EPHA5: variants seen among roughly 807,000 people sequenced by gnomAD.
EPHA5 encodes ephrin type-A receptor 5.
A neutral mutation model predicts 105.0 loss-of-function variants in EPHA5; 60 were observed. The observed-to-expected ratio is 0.57, with a 90% CI of 0.46 to 0.71. The LOEUF (loss-of-function observed/expected upper bound fraction) is 0.71. Among genes scored for constraint, EPHA5 ranks in the 30% least tolerant of loss-of-function variants. The probability of loss-of-function intolerance (pLI) is 0.00; values close to 1 mark genes in which losing one functional copy is unlikely to be tolerated. For synonymous variants in EPHA5, 513 were observed against 449.1 expected, an observed-to-expected ratio of 1.14 and a Z score of -1.80; for missense variants, 1,218 against 1,274.7, an observed-to-expected ratio of 0.96 and a Z score of 0.68.
intron 15 of EPHA5, among the ~76,000 whole-genome samples, chr4:65,335,664 T>G (rs2148811409): frequency 6.6e-6 from 1 of 152,166 alleles, no homozygotes; most frequent in South Asian, 2.1e-4. Context: ...TAATTTTTTT[T>G]TATGCTACCT....
At chr4:65,614,198 T>A (rs569321080) in intron 2 of EPHA5, among the ~76,000 whole-genome samples, 11 of 152,020 alleles carry the variant, frequency 7.2e-5, no homozygotes, top group African/African-American at 2.6e-4. Flanking sequence ...CAATCACAGA[T>A]GGGAATAGTA....
In EPHA5 at chr4:65,420,533, TC is replaced by T; in HGVS notation, c.1434del (p.Ile480LeufsTer21). On this transcript the variant is annotated frameshift_variant, in exon 6 of 17. Transcript: ENST00000613740. LOFTEE classifies it high-confidence loss of function. ...AAAGAGATGCTGTTTTTTGCAATTT[TC>T]CCTTTTTTCACATTGGTGACTGGAG... ...APSPVTNVKK[G>X]KIAKNSISLS... 6.2e-7 allele frequency: 1 copy of T among 1,613,264 alleles called. No homozygotes were observed. Among genetic ancestry groups the T allele is most frequent in the Non-Finnish European group, 8.5e-7 (1 of 1,179,574 alleles).
chr4:65,344,257 G>C (rs1393759870), intron 14 of EPHA5, among the ~76,000 whole-genome samples: 1 of 152,078 alleles, frequency 6.6e-6, no homozygotes, highest in East Asian at 1.9e-4. Context: ...ATGAGATCAC[G>C]TTTGGGCTAG....
chr4:65,432,365 C>T (rs962385213), intron 5 of EPHA5, among the ~76,000 whole-genome samples: 3 of 152,000 alleles, frequency 2.0e-5, no homozygotes, highest in African/African-American at 7.3e-5. Flanking sequence ...GTAAGAGTAA[C>T]CTGCGCTCCA....
chr4:65,321,856 C>A lies in EPHA5; in HGVS notation c.*2258G>T, dbSNP rs1367075749. 2 of 226,112 alleles carry A rather than the reference C, an allele frequency of 8.8e-6. No homozygotes were observed. The highest frequency in any genetic ancestry group is 1.8e-5 in the Non-Finnish European group (2 of 113,608). The allele number at this position is 226,112 out of a possible 1,614,324, so 14.0% of individuals were successfully genotyped here. ...TGTGGCAAGTTCATCAGCCCTAAAG[C>A]ATATGGTAATTTTCCTTTTGAATCA... On this transcript the variant is annotated 3_prime_UTR_variant, in exon 17 of 17. Transcript: ENST00000613740.
intron 3 of EPHA5, among the ~76,000 whole-genome samples, chr4:65,572,208 A>G (rs866974124): frequency 6.6e-6 from 1 of 152,124 alleles, no homozygotes; most frequent in African/African-American, 2.4e-5. Context: ...CATTAGCTTA[A>G]TTATTATCTC....
chr4:65,408,665 G>A (rs543935585), intron 7 of EPHA5, among the ~76,000 whole-genome samples: 54 of 152,126 alleles, frequency 3.5e-4, no homozygotes, highest in Admixed American at 8.5e-4. Flanking sequence ...AGTTAGAATG[G>A]TGATCATTAA....
intron 8 of EPHA5, among the ~76,000 whole-genome samples, chr4:65,374,444 C>A (rs1185935828): frequency 6.6e-6 from 1 of 151,830 alleles, no homozygotes; most frequent in African/African-American, 2.4e-5. Flanking sequence ...AAATGGCACA[C>A]CATGTATTTT....
rs762792175 is a variant in EPHA5, at chr4:65,324,104, T to G, written c.*10A>C. On this transcript the variant is annotated 3_prime_UTR_variant, in exon 17 of 17. Transcript: ENST00000613740. ...AATCATTCACTTGAAGAAGCGACAT[T>G]TACATGAAGTTACAATGGCACCATT... 1.5e-5 allele frequency: 24 copies of G among 1,583,644 alleles called. No homozygotes were observed. The highest frequency in any genetic ancestry group is 2.1e-5 in the Non-Finnish European group (24 of 1,154,310).
chr4:65,660,106 A>G (rs973075381), intron 1 of EPHA5, among the ~76,000 whole-genome samples: 1 of 152,104 alleles, frequency 6.6e-6, no homozygotes, highest in Non-Finnish European at 1.5e-5. Flanking sequence ...CTGATAACAT[A>G]CTATTATTAT....
intron 3 of EPHA5, among the ~76,000 whole-genome samples, chr4:65,547,581 T>A (rs1194234597): frequency 2.0e-5 from 3 of 152,104 alleles, no homozygotes; most frequent in Admixed American, 2.0e-4. Context: ...GACTTCCTCT[T>A]TTTATTACAA....
intron 3 of EPHA5, among the ~76,000 whole-genome samples, chr4:65,583,709 G>T (rs1214296867): frequency 6.6e-6 from 1 of 151,560 alleles, no homozygotes; most frequent in Non-Finnish European, 1.5e-5. Context: ...ATGGCTTGTG[G>T]TTATCACCCT....
chr4:65,541,516 A>T (rs945347445), intron 3 of EPHA5, among the ~76,000 whole-genome samples: 1 of 152,022 alleles, frequency 6.6e-6, no homozygotes, highest in African/African-American at 2.4e-5. Flanking sequence ...GGCATTACAT[A>T]ATGGTAAAGG....
rs749830045 is a variant in EPHA5 at position 65,601,719 on chromosome 4, C to A, written c.832G>T (p.Ala278Ser). 4 of 1,613,998 alleles carry A rather than the reference C, an allele frequency of 2.5e-6. No homozygotes were observed. The South Asian group carries it at 4.4e-5, about 18-fold the overall frequency. ...ATGGGCACCAGCCACTCCCCTTCGG[C>A]GCTGCAGTGCATTTTGGGAGGTTCA... ...TDEPPKMHCS[A>S]EGEWLVPIGK... Residue 278 changes from alanine (A) to serine (S), a missense_variant, in exon 3 of 17, where the codon GCC becomes TCC. Ala to Ser is a moderately conservative substitution (Grantham distance 99, BLOSUM62 1). This residue lies in a region of EPHA5 where 971 missense variants were observed against 1,013.5 expected (regional missense o/e 0.96). Coordinates refer to ENST00000613740, the MANE Select transcript of EPHA5 (RefSeq NM_001281766.3).
rs551734237 is a variant in EPHA5 at position 65,391,376 on chromosome 4, T to C, written c.1793+12998A>G. ...GCTTGAGATTGAGTTGCTGATCTAT[T>C]AGAAACATTTTCTTTTTTTCCTGGT... On this transcript the variant is annotated intron_variant, in intron 8 of 16. Coordinates refer to ENST00000613740, the MANE Select transcript of EPHA5 (RefSeq NM_001281766.3). Among the ~76,000 whole-genome samples the C allele has an allele frequency of 1.3e-3, 201 of 152,280 alleles. 1 individual carries two copies. Among genetic ancestry groups the C allele is most frequent in the Admixed American group, 2.9e-3 (44 of 15,282 alleles).
chr4:65,515,929 A>G (rs1734066012), intron 3 of EPHA5, among the ~76,000 whole-genome samples: 1 of 152,156 alleles, frequency 6.6e-6, no homozygotes, highest in Non-Finnish European at 1.5e-5. Flanking sequence ...GAACTAGGAC[A>G]TCCATCTTCT....
chr4:65,341,102 T>C (rs972674959), intron 14 of EPHA5, among the ~76,000 whole-genome samples: 1 of 152,112 alleles, frequency 6.6e-6, no homozygotes, highest in Admixed American at 6.6e-5. Flanking sequence ...CAATATCTAA[T>C]TATTTCCTGT....
At chr4:65,574,655 C>CATATATATACACATATATATATACATAT (rs1740643096) in intron 3 of EPHA5, among the ~76,000 whole-genome samples, 1 of 89,306 alleles carries the variant, frequency 1.1e-5, no homozygotes, top group African/African-American at 4.1e-5. Flanking sequence ...TATATATACA[C>CATATATATACACATATATATATACATAT]ATATATATAT....
chr4:65,526,057 G>A (rs1206034499), intron 3 of EPHA5, among the ~76,000 whole-genome samples: 1 of 151,508 alleles, frequency 6.6e-6, no homozygotes, highest in East Asian at 1.9e-4. Context: ...CCCAATACCG[G>A]GCACATGTTA....
Sources: allele counts gnomAD v4.1 joint callset (sites outside exome capture counted in the v4.1 genomes callset), GRCh38; gene constraint gnomAD v4.1.1; regional missense constraint gnomAD v4.1.1; transcripts MANE v1.5; gene names NCBI Gene and HGNC (gene_info 2026-07-23, HGNC 2026-07-21).